Variants in TRPM6 observed in about 807,000 individuals in gnomAD.
TRPM6 encodes the protein channel kinase 2.
In TRPM6, 111 loss-of-function variants were observed where a neutral mutation model predicts 247.6. That is an observed-to-expected ratio of 0.45 (90% CI 0.38 to 0.52). The LOEUF (loss-of-function observed/expected upper bound fraction) is 0.52, where lower values mean the gene tolerates loss of function less well. TRPM6 is among the 20% of genes least tolerant of loss of function. The pLI is 0.00. For missense variants in TRPM6, 2,126 were observed against 2,421.5 expected (o/e 0.88, Z 2.56); for synonymous variants, 892 against 853.8 (o/e 1.04, Z -0.78).
At chr9:74,792,963 C>G (rs890365164) in intron 18 of TRPM6, among the ~76,000 whole-genome samples, 193 bp from the exon 19 acceptor site, 1 of 152,070 alleles carries the variant, frequency 6.6e-6, no homozygotes, top group African/African-American at 2.4e-5. Flanking sequence ...TCGAGACCAG[C>G]CTGGCCAGCA....
At chr9:74,878,261 G>A (rs916645848) in intron 1 of TRPM6, among the ~76,000 whole-genome samples, 3 of 152,054 alleles carry the variant, frequency 2.0e-5, no homozygotes, top group Non-Finnish European at 4.4e-5. Flanking sequence ...ACACCTGCCT[G>A]CCCTTCCCAC....
chr9:74,835,363 A>G (rs1829689948), intron 5 of TRPM6, among the ~76,000 whole-genome samples: 1 of 150,244 alleles, frequency 6.7e-6, no homozygotes. Context: ...GACTGCAAAA[A>G]TTTTCTCCTA....
At chr9:74,772,391 A>G (rs1021999974) in intron 24 of TRPM6, among the ~76,000 whole-genome samples, 1 of 152,228 alleles carries the variant, frequency 6.6e-6, no homozygotes, top group Admixed American at 6.5e-5. Context: ...CACAGGTTAG[A>G]ATGCTTTCAC....
intron 1 of TRPM6, among the ~76,000 whole-genome samples, chr9:74,860,903 TC>T (rs1398895949): frequency 6.6e-6 from 1 of 151,872 alleles, no homozygotes; most frequent in Non-Finnish European, 1.5e-5. Context: ...TGCCTATAAT[TC>T]CCAGCAACCC....
intron 25 of TRPM6, among the ~76,000 whole-genome samples, chr9:74,767,926 G>C (rs1370616783): frequency 6.6e-6 from 1 of 152,078 alleles, no homozygotes; most frequent in Non-Finnish European, 1.5e-5. Flanking sequence ...CATGAGCTCT[G>C]ATCACTCTAT....
intron 16 of TRPM6, among the ~76,000 whole-genome samples, chr9:74,801,689 A>G (rs1469632108): frequency 1.3e-5 from 2 of 152,190 alleles, no homozygotes; most frequent in Non-Finnish European, 2.9e-5. Flanking sequence ...CTGGACTAGA[A>G]CCCAAGTCCC....
chr9:74,760,692 T>TCA (rs1826595067), intron 27 of TRPM6, among the ~76,000 whole-genome samples: 1 of 152,214 alleles, frequency 6.6e-6, no homozygotes, highest in Non-Finnish European at 1.5e-5. Flanking sequence ...GTATACTGAA[T>TCA]TGGCGAGTGC....
rs751142893 is a variant in TRPM6 at position 74,724,607 on chromosome 9, C to T, written c.*6G>A. The stretch of plus-strand genomic sequence containing the variant: ...CAAGCACTGGGATCTTCTTGCTCCT[C>T]CCTTTTTATAGTTGCATATCATCTT... On this transcript the variant is annotated 3_prime_UTR_variant, in exon 39 of 39. Coordinates refer to ENST00000360774, the MANE Select transcript of TRPM6 (RefSeq NM_017662.5). The T allele has an allele frequency of 6.2e-7, 1 of 1,614,134 alleles. No homozygotes were observed. Among genetic ancestry groups the T allele is most frequent in the Admixed American group, 1.7e-5 (1 of 60,018 alleles).
At chr9:74,742,852 G>A (rs77162819) in intron 32 of TRPM6, among the ~76,000 whole-genome samples, 1 of 152,094 alleles carries the variant, frequency 6.6e-6, no homozygotes, top group Non-Finnish European at 1.5e-5. Flanking sequence ...TATGTCACAT[G>A]GTCTGAGGTA....
chr9:74,769,335 G>A (rs1372642658), intron 25 of TRPM6, among the ~76,000 whole-genome samples: 1 of 152,124 alleles, frequency 6.6e-6, no homozygotes, highest in African/African-American at 2.4e-5. Flanking sequence ...TTTTAGTAGA[G>A]ACGGGGTTTT....
intron 12 of TRPM6, 63 bp from the exon 13 acceptor site, chr9:74,810,931 C>T: frequency 3.6e-6 from 5 of 1,381,936 alleles, no homozygotes; most frequent in Non-Finnish European, 5.1e-6. Flanking sequence ...GGGGTAAAAC[C>T]TTTACTTCAG....
At chr9:74,731,845 T>G (rs981774868) in intron 37 of TRPM6, among the ~76,000 whole-genome samples, 6 of 152,102 alleles carry the variant, frequency 3.9e-5, no homozygotes, top group African/African-American at 1.4e-4. Context: ...CCCTGGGAAC[T>G]TGTAAGAAAT....
intron 7 of TRPM6, among the ~76,000 whole-genome samples, chr9:74,823,432 G>A (rs529878611): frequency 1.4e-4 from 22 of 152,316 alleles, no homozygotes; most frequent in Non-Finnish European, 2.5e-4. Context: ...ATATCTAGAC[G>A]TATAGTATGT....
chr9:74,825,720 T>C (rs1454706493), intron 7 of TRPM6, among the ~76,000 whole-genome samples: 2 of 151,984 alleles, frequency 1.3e-5, no homozygotes, highest in East Asian at 3.9e-4. Context: ...AGACAAAGAC[T>C]CTCATACCTC....
chr9:74,737,258 T>C (rs986209321), intron 36 of TRPM6: 2 of 556,664 alleles, frequency 3.6e-6, no homozygotes, highest in Admixed American at 3.6e-5. Context: ...AGCACCTATA[T>C]GTCATTTAAA....
chr9:74,807,478 T>G (rs1156894120), intron 14 of TRPM6, among the ~76,000 whole-genome samples: 1 of 152,218 alleles, frequency 6.6e-6, no homozygotes, highest in Non-Finnish European at 1.5e-5. Flanking sequence ...TTTCCTCTGC[T>G]AACTACTAAC....
intron 5 of TRPM6, 47 bp downstream of exon 5, chr9:74,839,977 G>A (rs756685242): frequency 7.0e-7 from 1 of 1,427,764 alleles, no homozygotes; most frequent in South Asian, 1.1e-5. Flanking sequence ...GAGGGAGAGA[G>A]GGAGGGTGAA....
chr9:74,840,857 A>G (rs1829916015), intron 4 of TRPM6, among the ~76,000 whole-genome samples: 2 of 151,706 alleles, frequency 1.3e-5, no homozygotes, highest in Admixed American at 6.6e-5. Flanking sequence ...AAAGAAAGAA[A>G]AAAAAAGAAA....
chr9:74,805,003 T>G (rs1828483804), intron 14 of TRPM6, among the ~76,000 whole-genome samples: 1 of 152,216 alleles, frequency 6.6e-6, no homozygotes, highest in African/African-American at 2.4e-5. Context: ...AAAGACTAAT[T>G]AAAATTAGTT....
Sources: allele counts gnomAD v4.1 joint callset (sites outside exome capture counted in the v4.1 genomes callset), GRCh38; gene constraint gnomAD v4.1.1; transcripts MANE v1.5; gene names NCBI Gene and HGNC (gene_info 2026-07-23, HGNC 2026-07-21).